The following TSHZ2 variants were observed in gnomAD, a reference collection of about 807,000 sequenced individuals.
TSHZ2 encodes teashirt homolog 2.
TSHZ2 carries 21 observed loss-of-function variants against 74.4 expected under a neutral mutation model. That is an observed-to-expected ratio of 0.28 (90% CI 0.20 to 0.41). The LOEUF (loss-of-function observed/expected upper bound fraction) is 0.41, where lower values mean the gene tolerates loss of function less well. Among genes scored for constraint, TSHZ2 ranks in the 10% least tolerant of loss-of-function variants. The pLI is 1.00. For synonymous variants in TSHZ2, 540 were observed against 515.3 expected, an observed-to-expected ratio of 1.05 and a Z score of -0.65; for missense variants, 1,244 against 1,293.5, an observed-to-expected ratio of 0.96 and a Z score of 0.59.
intron 1 of TSHZ2, among the ~76,000 whole-genome samples, chr20:53,214,132 A>G (rs1169195510): frequency 3.9e-5 from 6 of 152,332 alleles, no homozygotes; most frequent in Non-Finnish European, 7.3e-5. Flanking sequence ...AATTATTTAA[A>G]TTGATGTAAT....
At chr20:53,262,240 A>G (rs1386057024) in intron 2 of TSHZ2, among the ~76,000 whole-genome samples, 3 of 151,892 alleles carry the variant, frequency 2.0e-5, no homozygotes, top group Non-Finnish European at 4.4e-5. Context: ...TTAACTATCA[A>G]GTTTAAAGCT....
chr20:53,228,103 A>AACACACACACAC (rs10561638), intron 1 of TSHZ2, among the ~76,000 whole-genome samples: 4 of 134,472 alleles, frequency 3.0e-5, no homozygotes, highest in African/African-American at 8.5e-5. Flanking sequence ...TGGCCCCCAA[A>AACACACACACAC]ACACACACAC....
At position 53,169,072 on chromosome 20, in the gene TSHZ2, A is replaced by G. The variant is rs77573544; in HGVS notation, c.41-84427A>G. Among the ~76,000 whole-genome samples the G allele has an allele frequency of 5.6e-3, 853 of 152,300 alleles. 3 individuals are homozygous for G. Among genetic ancestry groups the G allele is most frequent in the Non-Finnish European group, 9.1e-3 (620 of 68,016 alleles). On this transcript the variant is annotated intron_variant, in intron 1 of 2. Transcript: ENST00000371497. ...CGTCCTGCCCATCCATTCCAATTTG[A>G]GAGGTCTGAATGAGGTTCAGGAATC... is the stretch of plus-strand genomic sequence containing the variant.
intron 1 of TSHZ2, among the ~76,000 whole-genome samples, chr20:53,027,783 C>T (rs776651340): frequency 1.3e-5 from 2 of 151,928 alleles, no homozygotes; most frequent in Non-Finnish European, 2.9e-5. Context: ...ATGTAGAGAC[C>T]CTGAAGGGAC....
At chr20:52,976,373 T>A (rs1330991162) in intron 1 of TSHZ2, among the ~76,000 whole-genome samples, 2 of 152,184 alleles carry the variant, frequency 1.3e-5, no homozygotes, top group African/African-American at 2.4e-5. Context: ...AAAAAAAAAG[T>A]TGAGAAAGCA....
At chr20:53,297,248 CT>C (rs35627909) in intron 2 of TSHZ2, among the ~76,000 whole-genome samples, 5,974 of 121,070 alleles carry the variant, frequency 0.049, 307 homozygotes, top group African/African-American at 0.16. Context: ...ATCTCAGAAT[CT>C]TTTTTTTTTT....
chr20:53,473,366 C>T (rs1985889116), intron 2 of TSHZ2, among the ~76,000 whole-genome samples: 1 of 142,930 alleles, frequency 7.0e-6, no homozygotes, highest in Admixed American at 7.0e-5. Flanking sequence ...CCCGAGCAGC[C>T]TAACTGGCAG....
At chr20:53,339,779 C>T (rs956644757) in intron 2 of TSHZ2, among the ~76,000 whole-genome samples, 11 of 152,150 alleles carry the variant, frequency 7.2e-5, no homozygotes, top group African/African-American at 2.7e-4. Context: ...CTGGGGGACT[C>T]GCTGCTCTCC....
chr20:53,070,167 C>A (rs984395599), intron 1 of TSHZ2, among the ~76,000 whole-genome samples: 5 of 152,144 alleles, frequency 3.3e-5, no homozygotes, highest in Non-Finnish European at 7.4e-5. Flanking sequence ...TGATTACAAT[C>A]TTTTCCAATA....
intron 2 of TSHZ2, among the ~76,000 whole-genome samples, chr20:53,364,411 C>T (rs1395866578): frequency 6.6e-6 from 1 of 152,056 alleles, no homozygotes; most frequent in African/African-American, 2.4e-5. Context: ...CGCTGGTGCC[C>T]TCTCCTCTCT....
intron 1 of TSHZ2, among the ~76,000 whole-genome samples, chr20:53,127,059 G>A (rs1285078857): frequency 6.6e-6 from 1 of 152,102 alleles, no homozygotes; most frequent in African/African-American, 2.4e-5. Flanking sequence ...AAAGAGGGAG[G>A]CAGGAAAGAG....
chr20:53,482,108 TAAAAAAAAA>T (rs570413572), intron 2 of TSHZ2, among the ~76,000 whole-genome samples: 888 of 74,366 alleles, frequency 0.012, 23 homozygotes, highest in Middle Eastern at 0.041. Flanking sequence ...CTCCATCTCA[TAAAAAAAAA>T]AAAAAAAAAA....
chr20:53,170,535 G>C (rs140217960), intron 1 of TSHZ2, among the ~76,000 whole-genome samples: 1 of 152,048 alleles, frequency 6.6e-6, no homozygotes, highest in East Asian at 1.9e-4. Context: ...GGCGGGGGCC[G>C]GGGAGGCTGT....
At chr20:53,157,057 G>A (rs1298781854) in intron 1 of TSHZ2, among the ~76,000 whole-genome samples, 3 of 152,140 alleles carry the variant, frequency 2.0e-5, no homozygotes, top group Non-Finnish European at 4.4e-5. Context: ...CTTTATTACT[G>A]CATGTGTGAA....
At chr20:53,071,968 A>G (rs912641533) in intron 1 of TSHZ2, among the ~76,000 whole-genome samples, 1 of 152,136 alleles carries the variant, frequency 6.6e-6, no homozygotes, top group Non-Finnish European at 1.5e-5. Context: ...TTTGGTTGTC[A>G]AAACAGATGG....
intron 2 of TSHZ2, among the ~76,000 whole-genome samples, chr20:53,461,201 G>T (rs1301179425): frequency 6.6e-6 from 1 of 152,154 alleles, no homozygotes; most frequent in Non-Finnish European, 1.5e-5. Flanking sequence ...AGACTCCATG[G>T]GCGTAGGACC....
intron 2 of TSHZ2, among the ~76,000 whole-genome samples, chr20:53,317,225 C>T (rs1003753256): frequency 9.2e-5 from 14 of 152,184 alleles, no homozygotes; most frequent in African/African-American, 3.4e-4. Context: ...AGGCTGAACT[C>T]CCTAGTCTTG....
intron 1 of TSHZ2, among the ~76,000 whole-genome samples, chr20:52,976,104 TA>T: frequency 6.6e-6 from 1 of 152,364 alleles, no homozygotes; most frequent in South Asian, 2.1e-4. Flanking sequence ...TATTATTAGT[TA>T]TAAGTTCCAT....
chr20:53,085,295 G>A (rs1430248551), intron 1 of TSHZ2, among the ~76,000 whole-genome samples: 3 of 152,102 alleles, frequency 2.0e-5, no homozygotes, highest in Non-Finnish European at 4.4e-5. Flanking sequence ...AATCCAGGGG[G>A]CGGAGGTCGC....
Sources: allele counts gnomAD v4.1 joint callset (sites outside exome capture counted in the v4.1 genomes callset), GRCh38; gene constraint gnomAD v4.1.1; transcripts MANE v1.5; gene names NCBI Gene and HGNC (gene_info 2026-07-23, HGNC 2026-07-21).